The following PRKN variants were observed in gnomAD, a reference collection of about 807,000 sequenced individuals.
The protein encoded by PRKN is E3 ubiquitin-protein ligase parkin.
In PRKN, 56 loss-of-function variants were observed where a neutral mutation model predicts 59.5. The observed-to-expected ratio is 0.94, with a 90% confidence interval of 0.76 to 1.18. The LOEUF is 1.18. Ranked by LOEUF, PRKN falls within the 50% of genes most tolerant of loss-of-function variation. The pLI is 0.00. For missense variants in PRKN, 657 were observed against 596.4 expected (o/e 1.10, Z -1.06); for synonymous variants, 250 against 222.1 (o/e 1.13, Z -1.12).
chr6:161,679,676 C>CG (rs1169266014), intron 7 of PRKN, among the ~76,000 whole-genome samples: 1 of 83,632 alleles, frequency 1.2e-5, no homozygotes, highest in South Asian at 5.4e-4. Context: ...ATAGAACCAC[C>CG]CCCCCCCCTT....
rs570583868 is a variant in PRKN at position 162,300,603 on chromosome 6, C to G, written c.172-37838G>C. On this transcript the variant is annotated intron_variant, in intron 2 of 11. Coordinates refer to ENST00000366898, the MANE Select transcript of PRKN (RefSeq NM_004562.3). ...ATCTTTAATAGAGGAGGCCTGGAAC[C>G]AACCAAACATAGATTAGAACACCTC... Among the ~76,000 whole-genome samples the G allele has an allele frequency of 3.8e-4, 58 of 152,102 alleles. No homozygotes were observed. The South Asian group carries it at 0.011, about 28-fold the overall frequency.
At chr6:161,644,850 G>A (rs13201596) in intron 7 of PRKN, among the ~76,000 whole-genome samples, 34,197 of 152,102 alleles carry the variant, frequency 0.22, 4,248 homozygotes, top group Middle Eastern at 0.35. Context: ...TGACTCAGCT[G>A]CACAAATAAT....
chr6:162,713,005 T>C (rs953464532), intron 1 of PRKN, among the ~76,000 whole-genome samples: 6 of 152,172 alleles, frequency 3.9e-5, no homozygotes, highest in African/African-American at 1.4e-4. Flanking sequence ...AAATACTAAG[T>C]ATATGAGATG....
At chr6:162,703,768 C>A (rs545508781) in intron 1 of PRKN, among the ~76,000 whole-genome samples, 4 of 152,204 alleles carry the variant, frequency 2.6e-5, no homozygotes, top group Non-Finnish European at 4.4e-5. Context: ...ATAGTCCACA[C>A]ACACACTGGT....
chr6:162,166,671 GAGA>G (rs1322667444), intron 4 of PRKN, among the ~76,000 whole-genome samples: 4 of 152,142 alleles, frequency 2.6e-5, no homozygotes, highest in African/African-American at 9.7e-5. Flanking sequence ...TAAGTGGATG[GAGA>G]AGGATAGATA....
Position 162,054,155 on chromosome 6 carries a change from T to G in PRKN, c.554A>C (p.Asp185Ala), listed in dbSNP as rs756411170. Residue 185 changes from aspartate (D) to alanine (A), a missense_variant, in exon 5 of 12, where the codon GAT becomes GCT. Coordinates refer to ENST00000366898, the MANE Select transcript of PRKN (RefSeq NM_004562.3). Reference sequence around the variant, plus strand: ...ACTCATCCGGTTTGGAATTAAAACATCATCCCAGCAAGATGGACCCTTTGG... The same window carrying G: ...ACTCATCCGGTTTGGAATTAAAACAGCATCCCAGCAAGATGGACCCTTTGG... ...TLTQGPSCWD[D>A]VLIPNRMSGE... 6.2e-7 allele frequency: 1 copy of G among 1,612,986 alleles called. No individual in the cohort carries two copies. The highest frequency in any genetic ancestry group is 2.2e-5 in the East Asian group (1 of 44,866).
intron 4 of PRKN, among the ~76,000 whole-genome samples, chr6:162,139,906 T>A (rs1158314802): frequency 1.4e-5 from 2 of 145,188 alleles, no homozygotes; most frequent in Admixed American, 6.8e-5. Flanking sequence ...AAAAAAAAAA[T>A]TATGAACCTG....
At chr6:162,479,800 G>A (rs1417356602) in intron 1 of PRKN, among the ~76,000 whole-genome samples, 1 of 151,154 alleles carries the variant, frequency 6.6e-6, no homozygotes, top group Non-Finnish European at 1.5e-5. Context: ...AGGCGCAGTG[G>A]CTCACGCCTG....
At chr6:162,297,753 A>G (rs902150197) in intron 2 of PRKN, among the ~76,000 whole-genome samples, 12 of 152,274 alleles carry the variant, frequency 7.9e-5, no homozygotes, top group Admixed American at 2.0e-4. Context: ...ATTTCCTTGA[A>G]TCATCTAAAA....
At chr6:162,578,793 T>C (rs1445253334) in intron 1 of PRKN, among the ~76,000 whole-genome samples, 1 of 152,212 alleles carries the variant, frequency 6.6e-6, no homozygotes. Flanking sequence ...CTCATCAAAA[T>C]GCAAAATTTC....
chr6:162,108,134 G>A (rs1012319602), intron 4 of PRKN, among the ~76,000 whole-genome samples: 9 of 152,114 alleles, frequency 5.9e-5, no homozygotes, highest in Non-Finnish European at 8.8e-5. Context: ...GTTTTCAAAC[G>A]TCCCACACTC....
intron 2 of PRKN, among the ~76,000 whole-genome samples, chr6:162,391,503 T>TA (rs1463266319): frequency 6.6e-6 from 1 of 151,606 alleles, no homozygotes; most frequent in Non-Finnish European, 1.5e-5. Context: ...ATAATTTTCT[T>TA]ACTGCGCATG....
chr6:161,822,592 C>T (rs749519790), intron 6 of PRKN, among the ~76,000 whole-genome samples: 2 of 152,166 alleles, frequency 1.3e-5, no homozygotes, highest in South Asian at 2.1e-4. Flanking sequence ...AGGAGAATTG[C>T]TTGAACCTTG....
At chr6:162,701,864 TACACAC>T (rs60401079) in intron 1 of PRKN, among the ~76,000 whole-genome samples, 1 of 115,678 alleles carries the variant, frequency 8.6e-6, no homozygotes. Context: ...CATACATACA[TACACAC>T]ACACACACAC....
At position 161,440,414 on chromosome 6, in the gene PRKN, A is replaced by G. The variant is rs1001610971; in HGVS notation, c.1084-53537T>C. Reference sequence around the variant, plus strand: ...CAATGCAAAGAACAGTCCCCCTGACAAAGGATTATCCCACCCCAAATATCA... The same window carrying G: ...CAATGCAAAGAACAGTCCCCCTGACGAAGGATTATCCCACCCCAAATATCA... On this transcript the variant is annotated intron_variant, in intron 9 of 11. Transcript: ENST00000366898. This position sits in a 1 kb window ranked among gnomAD's most constrained non-coding sequence, Gnocchi z 4.1. Among the ~76,000 whole-genome samples the G allele has an allele frequency of 3.3e-5, 5 of 152,196 alleles. No homozygotes were observed. The highest frequency in any genetic ancestry group is 7.3e-5 in the Non-Finnish European group (5 of 68,038).
chr6:161,574,747 T>C (rs1781067055), intron 7 of PRKN, among the ~76,000 whole-genome samples: 5 of 152,198 alleles, frequency 3.3e-5, no homozygotes. Context: ...TATTTGTATA[T>C]GCCATATTAT....
At chr6:161,595,329 C>G (rs577868800) in intron 7 of PRKN, among the ~76,000 whole-genome samples, 22 of 152,056 alleles carry the variant, frequency 1.4e-4, no homozygotes, top group African/African-American at 5.3e-4. Flanking sequence ...CAGTGTGGGG[C>G]GAGATGTAGG....
intron 5 of PRKN, among the ~76,000 whole-genome samples, chr6:162,006,740 A>G (rs1782271671): frequency 6.6e-6 from 1 of 152,140 alleles, no homozygotes; most frequent in East Asian, 1.9e-4. Context: ...TCAGCATCCT[A>G]AAGCAGCCTC....
rs188295775 is a variant in PRKN, at chr6:162,694,055, G to T, written c.7+33607C>A. ...GAGGTCAGGAGATCGAGATCATCCT[G>T]GCTAACACGGTGAAACCCCGTATCT... On this transcript the variant is annotated intron_variant, in intron 1 of 11. Transcript: ENST00000366898. 5.4e-4 allele frequency among the ~76,000 whole-genome samples: 82 copies of T among 152,070 alleles called. 1 individual carries two copies. The highest frequency in any genetic ancestry group is 3.9e-3 in the East Asian group (20 of 5,148).
Sources: gnomAD v4.1 joint callset for allele counts (sites outside exome capture counted in the v4.1 genomes callset) on GRCh38, gnomAD v4.1.1 for gene constraint, Gnocchi (gnomAD v3.1) non-coding constraint, MANE v1.5 for transcripts, NCBI Gene and HGNC (gene_info 2026-07-23, HGNC 2026-07-21) for gene names.